The following TRPV2 variants were observed in gnomAD, a reference collection of about 807,000 sequenced individuals.
TRPV2 encodes OTRPC2.
In TRPV2, 58 loss-of-function variants were observed where a neutral mutation model predicts 91.0. The ratio of observed to expected loss-of-function variants is 0.64; its 90% CI spans 0.52 to 0.79. The LOEUF (loss-of-function observed/expected upper bound fraction) is 0.79, where lower values mean the gene tolerates loss of function less well. TRPV2 is among the 30% of genes least tolerant of loss of function. The pLI, the probability that TRPV2 is intolerant of heterozygous loss-of-function variation, is 0.00. For missense variants in TRPV2, 807 were observed against 969.6 expected (o/e 0.83, Z 2.23); for synonymous variants, 417 against 414.8 (o/e 1.01, Z -0.06).
In TRPV2 at chr17:16,431,798, C is replaced by A. The variant is rs2093413805; in HGVS notation, c.1602C>A (p.Asp534Glu). ...ATGTGTTCCAGGTCATCCTGCGGGA[C>A]CTGCTGCGCTTCCTTCTGATCTACT... Reference protein sequence around the residue: ...SVMIQKVILRDLLRFLLIYLV... With the variant: ...SVMIQKVILRELLRFLLIYLV... Residue 534 changes from aspartate (D) to glutamate (E), a missense_variant, in exon 11 of 15, where the codon GAC becomes GAA. By Grantham distance (45) the Asp-to-Glu change is conservative. Coordinates refer to ENST00000338560, the MANE Select transcript of TRPV2 (RefSeq NM_016113.5). The A allele has an allele frequency of 6.2e-7, 1 of 1,614,018 alleles. No individual in the cohort carries two copies. Among genetic ancestry groups the A allele is most frequent in the Admixed American group, 1.7e-5 (1 of 60,008 alleles).
intron 5 of TRPV2, among the ~76,000 whole-genome samples, chr17:16,425,547 C>G (rs760462452): frequency 6.6e-6 from 1 of 152,024 alleles, no homozygotes; most frequent in Non-Finnish European, 1.5e-5. Flanking sequence ...AACCCTTTTT[C>G]GCTGCCCTCC....
chr17:16,419,476 G>C (rs1192319907), intron 2 of TRPV2: 1 of 466,224 alleles, frequency 2.1e-6, no homozygotes, highest in Non-Finnish European at 4.4e-6. Flanking sequence ...TCAGAGTCAG[G>C]GTCTAAAGTT....
chr17:16,430,668 G>A (rs1046687695), intron 10 of TRPV2, among the ~76,000 whole-genome samples: 4 of 152,054 alleles, frequency 2.6e-5, no homozygotes, highest in Middle Eastern at 3.4e-3. Context: ...TTTATTTTTA[G>A]TAGAGACGGA....
chr17:16,431,449 C>A (rs1472813820), intron 10 of TRPV2, among the ~76,000 whole-genome samples: 2 of 151,240 alleles, frequency 1.3e-5, no homozygotes, highest in Non-Finnish European at 2.9e-5. Context: ...ACAGGCACAC[C>A]ACTGCACCTG....
intron 5 of TRPV2, among the ~76,000 whole-genome samples, chr17:16,424,698 T>C (rs2093374805): frequency 6.6e-6 from 1 of 152,152 alleles, no homozygotes. Flanking sequence ...TATTTATTGA[T>C]AACTTTATAA....
chr17:16,427,029 T>C, intron 7 of TRPV2, 152 bp downstream of exon 7: 1 of 878,840 alleles, frequency 1.1e-6, no homozygotes. Flanking sequence ...CTAACGGTGA[T>C]ACAGTGAAGA....
At chr17:16,417,255 ATT>A (rs34360076) in intron 1 of TRPV2, among the ~76,000 whole-genome samples, 177 of 133,746 alleles carry the variant, frequency 1.3e-3, no homozygotes, top group African/African-American at 3.7e-3. Context: ...AAAAACCGCA[ATT>A]TTTTTTTTTT....
intron 8 of TRPV2, among the ~76,000 whole-genome samples, chr17:16,428,062 G>A (rs2093392317): frequency 6.6e-6 from 1 of 152,168 alleles, no homozygotes; most frequent in South Asian, 2.1e-4. Context: ...GAGAAGGGAA[G>A]GGAAAGGTGC....
intron 10 of TRPV2, among the ~76,000 whole-genome samples, chr17:16,431,220 G>A (rs1424273964): frequency 7.8e-6 from 1 of 127,822 alleles, no homozygotes; most frequent in Non-Finnish European, 1.6e-5. Context: ...CCCAGCTACT[G>A]GAAAGTTTTA....
At chr17:16,431,906 C>G in intron 11 of TRPV2, 56 bp downstream of exon 11, 1 of 1,613,294 alleles carries the variant, frequency 6.2e-7, no homozygotes, top group Non-Finnish European at 8.5e-7. Flanking sequence ...CCACCCTGTA[C>G]ACTCCCAAGG....
intron 1 of TRPV2, among the ~76,000 whole-genome samples, chr17:16,417,077 C>T (rs2093334220): frequency 1.3e-5 from 2 of 151,836 alleles, no homozygotes; most frequent in Non-Finnish European, 1.5e-5. Flanking sequence ...AAAAGGGTGG[C>T]CCTATTGGTT....
intron 14 of TRPV2, 39 bp from the exon 15 acceptor site, chr17:16,436,750 C>G (rs750436636): frequency 6.7e-7 from 1 of 1,488,288 alleles, no homozygotes; most frequent in East Asian, 2.3e-5. Flanking sequence ...TGGGGACACA[C>G]TCAAGGGTTA....
intron 10 of TRPV2, among the ~76,000 whole-genome samples, chr17:16,430,913 C>T (rs12938124): frequency 0.58 from 88,261 of 151,860 alleles, 26,636 homozygotes; most frequent in Non-Finnish European, 0.67. Flanking sequence ...AATGCTGCTA[C>T]GAACAAGGGT....
At chr17:16,428,779 G>A in intron 9 of TRPV2, 38 bp from the exon 10 acceptor site, 1 of 1,611,384 alleles carries the variant, frequency 6.2e-7, no homozygotes, top group Non-Finnish European at 8.5e-7. Context: ...AGGGAGCCAA[G>A]TGGCCCGCAA....
chr17:16,431,291 A>ATACATTTT lies in TRPV2; in HGVS notation c.1588-492_1588-491insACATTTTT, dbSNP rs1333090555. On this transcript the variant is annotated intron_variant, in intron 10 of 14. Coordinates refer to ENST00000338560, the MANE Select transcript of TRPV2 (RefSeq NM_016113.5). ...TATATATATATATATATATATACATATTTTTTTTTTTTTTTTTTTTGAGAC... is the reference window on the plus strand; with the variant it reads ...TATATATATATATATATATATACATATACATTTTTTTTTTTTTTTTTTTTTTTTGAGAC... Among the ~76,000 whole-genome samples, 82 of 67,380 alleles carry ATACATTTT rather than the reference A, an allele frequency of 1.2e-3. 1 individual carries two copies. The highest frequency in any genetic ancestry group is 4.7e-3 in the African/African-American group (74 of 15,648). 44.2% of individuals were successfully genotyped at this position (67,380 alleles called of 152,430 possible). A position where few individuals can be genotyped will look rare whatever the true frequency, so the allele number is the denominator to read the frequency against.
At chr17:16,425,554 C>G (rs1031616053) in intron 5 of TRPV2, among the ~76,000 whole-genome samples, 5 of 152,150 alleles carry the variant, frequency 3.3e-5, no homozygotes, top group African/African-American at 1.2e-4. Flanking sequence ...TTTCGCTGCC[C>G]TCCCAAGTTT....
intron 5 of TRPV2, among the ~76,000 whole-genome samples, chr17:16,425,379 G>T (rs1357159414): frequency 6.6e-6 from 1 of 152,196 alleles, no homozygotes; most frequent in Non-Finnish European, 1.5e-5. Context: ...ATTCTGGTAG[G>T]AAGAGTAAAC....
chr17:16,421,747 C>T (rs572687596), intron 3 of TRPV2, among the ~76,000 whole-genome samples: 1 of 146,526 alleles, frequency 6.8e-6, no homozygotes, highest in Admixed American at 6.8e-5. Flanking sequence ...GTCTGGAACT[C>T]GACCTCGTGA....
intron 10 of TRPV2, among the ~76,000 whole-genome samples, chr17:16,430,008 G>A (rs528199806): frequency 5.7e-4 from 86 of 152,078 alleles, no homozygotes; most frequent in African/African-American, 2.0e-3. Context: ...GGGGTTGCAG[G>A]CACCCACCAC....
Sources: allele counts gnomAD v4.1 joint callset (sites outside exome capture counted in the v4.1 genomes callset), GRCh38; gene constraint gnomAD v4.1.1; transcripts MANE v1.5; gene names NCBI Gene and HGNC (gene_info 2026-07-23, HGNC 2026-07-21).